Variants in NCKAP5L observed in about 807,000 individuals in gnomAD.
NCKAP5L encodes nck-associated protein 5-like.
Under a neutral mutation model 103.2 loss-of-function variants are expected in NCKAP5L, and 54 were observed. The observed-to-expected ratio is 0.52, with a 90% confidence interval of 0.42 to 0.66. NCKAP5L has a LOEUF of 0.66. Among genes scored for constraint, NCKAP5L ranks in the 30% least tolerant of loss-of-function variants. NCKAP5L has a pLI of 0.00. For synonymous variants in NCKAP5L, 762 were observed against 748.6 expected, an observed-to-expected ratio of 1.02 and a Z score of -0.29; for missense variants, 1,733 against 1,750.6, an observed-to-expected ratio of 0.99 and a Z score of 0.18.
intron 1 of NCKAP5L, among the ~76,000 whole-genome samples, chr12:49,819,970 C>T (rs899172619): frequency 3.9e-5 from 6 of 152,218 alleles, no homozygotes; most frequent in African/African-American, 1.2e-4. Context: ...ACCAGAATGA[C>T]TCAGTGCAGC....
intron 6 of NCKAP5L, among the ~76,000 whole-genome samples, chr12:49,800,147 A>G (rs575138441): frequency 9.5e-4 from 145 of 152,370 alleles, no homozygotes; most frequent in African/African-American, 3.4e-3. Flanking sequence ...GTGAGCCGAG[A>G]TCGCGCCATT....
At chr12:49,812,187 GC>G (rs1325335305) in intron 1 of NCKAP5L, among the ~76,000 whole-genome samples, 1 of 151,944 alleles carries the variant, frequency 6.6e-6, no homozygotes, top group Non-Finnish European at 1.5e-5. Flanking sequence ...CCTTAACACT[GC>G]CCCCTCCCCA....
At chr12:49,826,043 T>G (rs1592765747) in intron 1 of NCKAP5L, among the ~76,000 whole-genome samples, 2 of 151,724 alleles carry the variant, frequency 1.3e-5, no homozygotes, top group Middle Eastern at 6.8e-3. Context: ...CTGGCTGGTA[T>G]AGCAGGGCCT....
intron 1 of NCKAP5L, among the ~76,000 whole-genome samples, chr12:49,809,823 TCTC>T (rs1179770485): frequency 6.6e-6 from 1 of 151,988 alleles, no homozygotes; most frequent in African/African-American, 2.4e-5. Context: ...TTCCAACTGG[TCTC>T]CTCCCCATTC....
In NCKAP5L at chr12:49,791,670, C is replaced by G; in HGVS notation, c.*169G>C. Reference sequence around the variant, plus strand: ...AGCTGAGCACGGTCATCTCATCCGCCGAAGCAGTGGGTGGTGGGGTGTGCC... The same window carrying G: ...AGCTGAGCACGGTCATCTCATCCGCGGAAGCAGTGGGTGGTGGGGTGTGCC... On this transcript the variant is annotated 3_prime_UTR_variant, in exon 13 of 13. Coordinates refer to ENST00000335999, the MANE Select transcript of NCKAP5L (RefSeq NM_001037806.4). 1.7e-6 allele frequency: 1 copy of G among 576,752 alleles called. No homozygotes were observed. Among genetic ancestry groups the G allele is most frequent in the East Asian group, 3.0e-5 (1 of 33,304 alleles). 35.7% of individuals were successfully genotyped at this position (576,752 alleles called of 1,614,324 possible). A position where few individuals can be genotyped will look rare whatever the true frequency, so the allele number is the denominator to read the frequency against.
At chr12:49,825,340 G>C (rs905262076) in intron 1 of NCKAP5L, among the ~76,000 whole-genome samples, 14 of 152,230 alleles carry the variant, frequency 9.2e-5, no homozygotes, top group Non-Finnish European at 2.1e-4. Context: ...GTTGTCGAAG[G>C]AGACAGTGAG....
chr12:49,816,798 T>TA (rs34850509), intron 1 of NCKAP5L, among the ~76,000 whole-genome samples: 50,404 of 137,968 alleles, frequency 0.37, 8,847 homozygotes, highest in South Asian at 0.47. Flanking sequence ...GTCTGTCTCA[T>TA]AAAAAAAAAA....
chr12:49,820,537 G>A (rs930712462), intron 1 of NCKAP5L, among the ~76,000 whole-genome samples: 5 of 152,066 alleles, frequency 3.3e-5, no homozygotes, highest in Admixed American at 1.3e-4. Flanking sequence ...GGATGGTCTC[G>A]ATCTCCTGAC....
chr12:49,812,053 C>T (rs937579740), intron 1 of NCKAP5L, among the ~76,000 whole-genome samples: 1 of 152,124 alleles, frequency 6.6e-6, no homozygotes, highest in Non-Finnish European at 1.5e-5. Context: ...TGAGACAGTC[C>T]ATGTCTCACA....
chr12:49,803,207 G>A (rs761495458), intron 3 of NCKAP5L, 42 bp from the exon 4 acceptor site: 10 of 1,603,998 alleles, frequency 6.2e-6, no homozygotes, highest in Non-Finnish European at 7.7e-6. Context: ...GGTGGCTTTG[G>A]GGATTATTCT....
intron 1 of NCKAP5L, among the ~76,000 whole-genome samples, chr12:49,825,304 G>C (rs896663859): frequency 6.6e-6 from 1 of 152,158 alleles, no homozygotes; most frequent in Non-Finnish European, 1.5e-5. Flanking sequence ...ACTGGGGCTC[G>C]GGGAACCTGC....
intron 1 of NCKAP5L, among the ~76,000 whole-genome samples, chr12:49,822,294 T>TA (rs760880749): frequency 7.9e-5 from 12 of 152,082 alleles, no homozygotes; most frequent in Non-Finnish European, 1.6e-4. Flanking sequence ...GGTATGTTGT[T>TA]ATAGCAGTTC....
rs143667363 is a variant in NCKAP5L at position 49,795,694 on chromosome 12, C to A, written c.2166G>T (p.Lys722Asn). Residue 722 changes from lysine to asparagine, a missense_variant, in exon 8 of 13, where the codon AAG (lysine) becomes AAT (asparagine). By Grantham distance (94) the Lys-to-Asn change is moderately conservative. Coordinates refer to ENST00000335999, the MANE Select transcript of NCKAP5L (RefSeq NM_001037806.4). ...IHRPLEQLEA[K>N]GGIRGAVALG... ...AGGCCACTGCCCCCCGTATCCCCCCCTTGGCTTCTAGCTGCTCCAGTGGCC... is the reference window on the plus strand; with the variant it reads ...AGGCCACTGCCCCCCGTATCCCCCCATTGGCTTCTAGCTGCTCCAGTGGCC... The A allele has an allele frequency of 6.2e-7, 1 of 1,612,234 alleles. No homozygotes were observed. Among genetic ancestry groups the A allele is most frequent in the Non-Finnish European group, 8.5e-7 (1 of 1,179,208 alleles).
chr12:49,800,369 G>C lies in NCKAP5L; in HGVS notation c.351+1479C>G, dbSNP rs139901514. 2.4e-4 allele frequency among the ~76,000 whole-genome samples: 37 copies of C among 152,342 alleles called. No individual in the cohort carries two copies. In the East Asian group the frequency reaches 7.1e-3, roughly 29 times the overall value. ...AACAGTCCCAGGGTCCTGGGCTCCT[G>C]TTGGCCTGCAGAGGCCTCAGCCCTT... On this transcript the variant is annotated intron_variant, in intron 6 of 12. Transcript: ENST00000335999.
In NCKAP5L at chr12:49,793,277, C is replaced by T. The variant is rs3741556; in HGVS notation, c.3340+75G>A. On this transcript the variant is annotated intron_variant, in intron 10 of 12. Transcript: ENST00000335999. ...CAGAGCCTGGCACCTGCTGCGGGGA[C>T]GGGAAGAAGTAAAGTGGGAAGAAGT... 0.011 allele frequency: 15,975 copies of T among 1,437,714 alleles called. 540 individuals are homozygous for T. In the East Asian group the frequency reaches 0.13, roughly 12 times the overall value. The allele number at this position is 1,437,714 out of a possible 1,614,324, so 89.1% of individuals were successfully genotyped here.
chr12:49,795,072 C>G lies in NCKAP5L; in HGVS notation c.2788G>C (p.Ala930Pro). The change falls in exon 8 of 13, where the codon GCG becomes CCG. Residue 930 changes from alanine (A) to proline (P), a missense_variant. Transcript: ENST00000335999. ...GTGGCCTCTGTGCGGCGGTTCAGCG[C>G]TGGCAGCTTGCTCTTCTTAAGGCCG... Reference protein sequence around the residue: ...WFGLKKSKLPALNRRTEATKN... With the variant: ...WFGLKKSKLPPLNRRTEATKN... 6.2e-7 allele frequency: 1 copy of G among 1,612,048 alleles called. No individual in the cohort carries two copies. Among genetic ancestry groups the G allele is most frequent in the Non-Finnish European group, 8.5e-7 (1 of 1,179,292 alleles).
At chr12:49,816,669 G>A (rs1042707492) in intron 1 of NCKAP5L, among the ~76,000 whole-genome samples, 3 of 151,700 alleles carry the variant, frequency 2.0e-5, no homozygotes, top group Non-Finnish European at 4.4e-5. Flanking sequence ...ATGGTGGCAC[G>A]CGCCTGTGAT....
Position 49,801,897 on chromosome 12 carries a change from C to G in NCKAP5L, c.302G>C (p.Ser101Thr), listed in dbSNP as rs762242686. The change falls in exon 6 of 13, where the codon AGT becomes ACT. Residue 101 changes from serine to threonine, a missense_variant. Physicochemically the swap from Ser to Thr is moderately conservative, Grantham distance 58 (BLOSUM62 1). Coordinates refer to ENST00000335999, the MANE Select transcript of NCKAP5L (RefSeq NM_001037806.4). Reference sequence around the variant, plus strand: ...CTGGAGTTTCTGCTGAAACAGGGCACTCAGCATCTGGTTCTGCCGTTCCAG... The same window carrying G: ...CTGGAGTTTCTGCTGAAACAGGGCAGTCAGCATCTGGTTCTGCCGTTCCAG... The part of the protein sequence containing the change: ...FDLERQNQML[S>T]ALFQQKLQLT... 4 of 1,613,990 alleles carry G rather than the reference C, an allele frequency of 2.5e-6. No individual in the cohort carries two copies. In the South Asian group the frequency reaches 3.3e-5, roughly 13 times the overall value.
chr12:49,809,907 C>A (rs1466173929), intron 1 of NCKAP5L, among the ~76,000 whole-genome samples: 7 of 152,120 alleles, frequency 4.6e-5, no homozygotes. Context: ...AATAGCCCTT[C>A]TGAGAGGCAT....
Sources: gnomAD v4.1 joint callset for allele counts (sites outside exome capture counted in the v4.1 genomes callset) on GRCh38, gnomAD v4.1.1 for gene constraint, MANE v1.5 for transcripts, NCBI Gene and HGNC (gene_info 2026-07-23, HGNC 2026-07-21) for gene names.